The following WDR41 variants were observed in gnomAD, a reference collection of about 807,000 sequenced individuals.
The protein encoded by WDR41 is WD repeat-containing protein 41.
A neutral mutation model predicts 69.3 loss-of-function variants in WDR41; 63 were observed. The observed-to-expected ratio is 0.91, with a 90% CI of 0.74 to 1.12. The LOEUF is 1.12. Ranked by LOEUF, WDR41 falls within the 50% of genes most tolerant of loss-of-function variation. WDR41 has a pLI of 0.00. For missense variants in WDR41, 543 were observed against 534.5 expected, an observed-to-expected ratio of 1.02 and a Z score of -0.16; for synonymous variants, 185 against 192.1, an observed-to-expected ratio of 0.96 and a Z score of 0.31.
intron 5 of WDR41, among the ~76,000 whole-genome samples, chr5:77,458,494 T>C (rs1799919619): frequency 6.6e-6 from 1 of 152,188 alleles, no homozygotes. Flanking sequence ...ACTTAATTTC[T>C]GTAGGAATCA....
chr5:77,505,222 A>T (rs1365755515), intron 1 of WDR41, among the ~76,000 whole-genome samples: 2 of 152,110 alleles, frequency 1.3e-5, no homozygotes, highest in East Asian at 3.8e-4. Flanking sequence ...AAGCATTCCT[A>T]TACACCAATA....
chr5:77,544,673 A>G (rs1288009200), intron 1 of WDR41, among the ~76,000 whole-genome samples: 2 of 152,106 alleles, frequency 1.3e-5, no homozygotes, highest in African/African-American at 4.8e-5. Context: ...GAATAAAATA[A>G]TTACTAATAG....
intron 1 of WDR41, among the ~76,000 whole-genome samples, chr5:77,616,596 C>T (rs1335054638): frequency 1.3e-5 from 2 of 152,150 alleles, no homozygotes; most frequent in African/African-American, 2.4e-5. Flanking sequence ...TCTTAGTGTG[C>T]ATGTATGTGT....
In WDR41 at chr5:77,555,483, G is replaced by A. The variant is rs186845226; in HGVS notation, c.42+64996C>T. 1.4e-3 allele frequency among the ~76,000 whole-genome samples: 216 copies of A among 152,024 alleles called. 1 individual carries two copies. The highest frequency in any genetic ancestry group is 4.7e-3 in the Admixed American group (71 of 15,262). ...ACCACCACACCCAGCTAATTGTTTT[G>A]GTTTTTAGCAGAGGCAAGGTCTCGC... On this transcript the variant is annotated intron_variant, in intron 1 of 5. Transcript: ENST00000509971.
upstream of WDR41, among the ~76,000 whole-genome samples, chr5:77,496,077 A>G (rs566246073): frequency 6.6e-6 from 1 of 152,164 alleles, no homozygotes; most frequent in East Asian, 1.9e-4. Context: ...CCCTTTTATC[A>G]CAAAACTCTC....
At chr5:77,563,948 T>A (rs1264333262) in intron 1 of WDR41, among the ~76,000 whole-genome samples, 1 of 152,206 alleles carries the variant, frequency 6.6e-6, no homozygotes, top group Non-Finnish European at 1.5e-5. Context: ...TGCTTTGGAA[T>A]AAGTCTTGAT....
chr5:77,557,454 A>G (rs543724776), intron 1 of WDR41, among the ~76,000 whole-genome samples: 5 of 152,326 alleles, frequency 3.3e-5, no homozygotes, highest in Non-Finnish European at 7.4e-5. Flanking sequence ...GCATTTCACA[A>G]AGAGGTGGCA....
At chr5:77,437,916 A>C (rs1220352631) in intron 10 of WDR41, among the ~76,000 whole-genome samples, 1 of 152,182 alleles carries the variant, frequency 6.6e-6, no homozygotes, top group Non-Finnish European at 1.5e-5. Context: ...AAACAAAAAG[A>C]AGGTAGGTTT....
chr5:77,493,465 G>C (rs759707729), upstream of WDR41, among the ~76,000 whole-genome samples: 3 of 152,112 alleles, frequency 2.0e-5, no homozygotes, highest in Non-Finnish European at 4.4e-5. Context: ...CAATAAGAGA[G>C]AGCCATACAT....
chr5:77,458,037 T>C (rs555400759), intron 5 of WDR41, among the ~76,000 whole-genome samples: 145 of 152,270 alleles, frequency 9.5e-4, no homozygotes, highest in African/African-American at 3.4e-3. Flanking sequence ...AAGCCACATA[T>C]TTTCATTGGA....
chr5:77,436,605 CTA>C (rs1035604756), intron 11 of WDR41, among the ~76,000 whole-genome samples: 3 of 152,158 alleles, frequency 2.0e-5, no homozygotes, highest in African/African-American at 7.2e-5. Flanking sequence ...TTTATTGCCC[CTA>C]GTCACCCACT....
At chr5:77,473,841 T>C (rs1800752422) in intron 2 of WDR41, among the ~76,000 whole-genome samples, 1 of 152,112 alleles carries the variant, frequency 6.6e-6, no homozygotes, top group South Asian at 2.1e-4. Context: ...TTTTACACTG[T>C]TGGTGGGACT....
chr5:77,545,870 T>A, intron 1 of WDR41: 1 of 587,362 alleles, frequency 1.7e-6, no homozygotes, highest in Non-Finnish European at 2.9e-6. Flanking sequence ...CCATTGTCCC[T>A]GTGCTACTGG....
Position 77,524,007 on chromosome 5 carries a change from C to T in WDR41, c.43-34435G>A, listed in dbSNP as rs145526766. On this transcript the variant is annotated intron_variant, in intron 1 of 5. Coordinates refer to the WDR41 transcript ENST00000509971. ...TTTAATAAGAAAACAATCTTATATA[C>T]GCTGACTATGATTTTTCTAAACGTG... Among the ~76,000 whole-genome samples the T allele has an allele frequency of 1.7e-3, 265 of 152,180 alleles. 1 individual carries two copies. The highest frequency in any genetic ancestry group is 3.1e-3 in the Non-Finnish European group (210 of 67,980).
rs1277679572 is a variant in WDR41, at chr5:77,451,301, G to A, written c.576C>T (p.Gly192=). The change falls in exon 7 of 13, where the codon GGC becomes GGT. Residue 192 remains glycine, a synonymous_variant. Coordinates refer to ENST00000296679, the MANE Select transcript of WDR41 (RefSeq NM_018268.4). The part of the protein sequence containing the change: ...IPKNCVVAAV[G]KELIIFRLVA... ...AAAATTCATACTCACTCAGTTCTTT[G>A]CCAACTGCTGCCACAACACAGTTCT... is the stretch of plus-strand genomic sequence containing the variant. 6.2e-7 allele frequency: 1 copy of A among 1,613,420 alleles called. No individual in the cohort carries two copies. The highest frequency in any genetic ancestry group is 1.3e-5 in the African/African-American group (1 of 74,876).
At chr5:77,489,618 A>T in intron 1 of WDR41, 46 bp from the exon 2 acceptor site, 1 of 1,240,602 alleles carries the variant, frequency 8.1e-7, no homozygotes, top group Non-Finnish European at 1.1e-6. Context: ...AGACAAAAAA[A>T]GAGATAAAAT....
intron 1 of WDR41, among the ~76,000 whole-genome samples, chr5:77,576,274 C>T (rs540199263): frequency 2.0e-5 from 3 of 152,220 alleles, no homozygotes; most frequent in African/African-American, 7.2e-5. Flanking sequence ...TACATATTAA[C>T]ATGCACAATT....
intron 2 of WDR41, among the ~76,000 whole-genome samples, chr5:77,471,286 G>A (rs1355227808): frequency 6.6e-6 from 1 of 152,096 alleles, no homozygotes; most frequent in Admixed American, 6.5e-5. Flanking sequence ...AGTGTGTAGA[G>A]GGAAATTTAT....
At chr5:77,602,066 C>G (rs1744332021) in intron 1 of WDR41, among the ~76,000 whole-genome samples, 2 of 152,118 alleles carry the variant, frequency 1.3e-5, no homozygotes. Flanking sequence ...TTCTTTCTAT[C>G]TAACTGTATA....
Sources: allele counts gnomAD v4.1 joint callset (sites outside exome capture counted in the v4.1 genomes callset), GRCh38; gene constraint gnomAD v4.1.1; transcripts MANE v1.5; gene names NCBI Gene and HGNC (gene_info 2026-07-23, HGNC 2026-07-21).